AGBL3: variants seen among roughly 807,000 people sequenced by gnomAD.
AGBL3 encodes the protein AGBL carboxypeptidase 3.
A neutral mutation model predicts 94.5 loss-of-function variants in AGBL3; 68 were observed. The ratio of observed to expected loss-of-function variants is 0.72; its 90% CI spans 0.59 to 0.88. The LOEUF (loss-of-function observed/expected upper bound fraction) is 0.88, where lower values mean the gene tolerates loss of function less well. Among genes scored for constraint, AGBL3 ranks in the 40% least tolerant of loss-of-function variants. The probability of loss-of-function intolerance (pLI) is 0.00; values close to 1 mark genes in which losing one functional copy is unlikely to be tolerated. For missense variants in AGBL3, 934 were observed against 1,103.8 expected (o/e 0.85, Z 2.18); for synonymous variants, 354 against 370.7 (o/e 0.95, Z 0.52).
rs1416978163 is a variant in AGBL3, at chr7:135,134,965, C to T, written c.2467C>T (p.Pro823Ser). Residue 823 changes from proline to serine, a missense_variant, in exon 17 of 17, where the codon CCC (proline) becomes TCC (serine). Pro to Ser is a moderately conservative substitution (Grantham distance 74, BLOSUM62 -1). Around this residue, in one of 3 missense-constraint regions of AGBL3, gnomAD observed 441 missense variants for 518.2 expected, o/e 0.85. Coordinates refer to ENST00000436302, the MANE Select transcript of AGBL3 (RefSeq NM_178563.4). ...ANSSEWVQSK[P>S]HRSLESLSPL... is the part of the protein sequence containing the mutation. Reference sequence around the variant, plus strand: ...CTCTTCAGAATGGGTCCAGTCTAAGCCCCACAGGTCATTGGAAAGTTTATC... The same window carrying T: ...CTCTTCAGAATGGGTCCAGTCTAAGTCCCACAGGTCATTGGAAAGTTTATC... 2.1e-5 allele frequency: 33 copies of T among 1,551,044 alleles called. No homozygotes were observed. Among genetic ancestry groups the T allele is most frequent in the Non-Finnish European group, 2.8e-5 (32 of 1,146,652 alleles).
chr7:135,074,677 T>C (rs1009551446), intron 12 of AGBL3, among the ~76,000 whole-genome samples: 1 of 152,112 alleles, frequency 6.6e-6, no homozygotes, highest in African/African-American at 2.4e-5. Flanking sequence ...ACCATGCAAG[T>C]CTTTATTTCA....
At chr7:135,129,633 C>T in intron 16 of AGBL3, 1 of 779,210 alleles carries the variant, frequency 1.3e-6, no homozygotes, top group Non-Finnish European at 2.4e-6. Context: ...ATGTCTTAAA[C>T]AGCTGTTTTA....
At position 134,987,923 on chromosome 7, in the gene AGBL3, C is replaced by T. The variant is rs1438955633; in HGVS notation, c.-11C>T. On this transcript the variant is annotated 5_prime_UTR_variant, in exon 2 of 17. Transcript: ENST00000436302. ...ATATTACAAGAAATCTCAAGTCAAA[C>T]ACTGGAAAAGATGTCAGAAGATTCA... 10 of 1,544,380 alleles carry T rather than the reference C, an allele frequency of 6.5e-6. No homozygotes were observed. The highest frequency in any genetic ancestry group is 8.7e-6 in the Non-Finnish European group (10 of 1,143,490).
intron 5 of AGBL3, among the ~76,000 whole-genome samples, chr7:135,022,910 C>CT (rs1326895130): frequency 6.6e-6 from 1 of 151,984 alleles, no homozygotes; most frequent in East Asian, 1.9e-4. Context: ...TCTGTTATTT[C>CT]TTTTTAATTC....
At chr7:135,045,284 C>A (rs944839857) in intron 9 of AGBL3, among the ~76,000 whole-genome samples, 190 bp from the exon 10 acceptor site, 8 of 151,988 alleles carry the variant, frequency 5.3e-5, no homozygotes, top group Non-Finnish European at 1.2e-4. Context: ...GTTAAATCAG[C>A]TTTGGTCCAG....
chr7:135,004,106 A>G (rs1290938587), intron 4 of AGBL3, among the ~76,000 whole-genome samples: 3 of 151,704 alleles, frequency 2.0e-5, no homozygotes, highest in African/African-American at 7.2e-5. Flanking sequence ...AGGAGTTACC[A>G]ATTTGTTCTT....
intron 15 of AGBL3, among the ~76,000 whole-genome samples, chr7:135,108,347 TCTTTC>T (rs1825080475): frequency 6.6e-6 from 1 of 152,086 alleles, no homozygotes; most frequent in Non-Finnish European, 1.5e-5. Context: ...CTGGTATTGG[TCTTTC>T]CTTTCCATAT....
At chr7:135,099,144 ATGTTAGAC>A (rs1224168912) in intron 15 of AGBL3, among the ~76,000 whole-genome samples, 2 of 151,462 alleles carry the variant, frequency 1.3e-5, no homozygotes, top group African/African-American at 4.9e-5. Context: ...TAATTATTAT[ATGTTAGAC>A]TATTTTTTGG....
At chr7:135,072,158 A>G (rs950247551) in intron 12 of AGBL3, among the ~76,000 whole-genome samples, 5 of 152,240 alleles carry the variant, frequency 3.3e-5, no homozygotes, top group African/African-American at 7.2e-5. Context: ...AGACACATGA[A>G]AAAAATGCTC....
chr7:135,025,099 G>A (rs1814942235), intron 5 of AGBL3, among the ~76,000 whole-genome samples: 1 of 151,500 alleles, frequency 6.6e-6, no homozygotes, highest in South Asian at 2.1e-4. Context: ...AGGTTAACAT[G>A]AAAATTCAAG....
chr7:135,042,416 C>T (rs1195827886), intron 8 of AGBL3, among the ~76,000 whole-genome samples: 1 of 152,142 alleles, frequency 6.6e-6, no homozygotes, highest in African/African-American at 2.4e-5. Context: ...AGAAGCCAGT[C>T]TCAAAAGATT....
intron 4 of AGBL3, chr7:135,010,536 T>G (rs1286682863): frequency 6.5e-6 from 1 of 153,404 alleles, no homozygotes; most frequent in Non-Finnish European, 1.5e-5. Context: ...AGTCTAAGGA[T>G]TAAATATTAG....
chr7:135,052,368 CTCAG>C lies in AGBL3; in HGVS notation c.1841+6460_1841+6463del, dbSNP rs1290612837. ...CACAGGGTGGATATATCATAATTTA[CTCAG>C]TCTGTCCTCTACTGATGGAACATTT... is the stretch of plus-strand genomic sequence containing the variant. On this transcript the variant is annotated intron_variant, in intron 11 of 16. Transcript: ENST00000436302. Among the ~76,000 whole-genome samples the C allele has an allele frequency of 7.0e-4, 106 of 152,264 alleles. 1 individual carries two copies. Among genetic ancestry groups the C allele is most frequent in the Non-Finnish European group, 1.5e-4 (10 of 68,024 alleles).
At chr7:135,032,806 T>A in intron 5 of AGBL3, 38 bp from the exon 6 acceptor site, 1 of 1,518,294 alleles carries the variant, frequency 6.6e-7, no homozygotes, top group Non-Finnish European at 8.8e-7. Flanking sequence ...TTACTTTAGG[T>A]ATACCTTGAC....
intron 5 of AGBL3, among the ~76,000 whole-genome samples, chr7:135,019,564 T>A (rs1198563500): frequency 1.3e-5 from 2 of 152,168 alleles, no homozygotes; most frequent in Non-Finnish European, 2.9e-5. Flanking sequence ...TTAACAAAAT[T>A]GATTAATCAC....
intron 16 of AGBL3, chr7:135,129,530 A>G (rs548758968): frequency 2.6e-6 from 2 of 772,578 alleles, no homozygotes; most frequent in East Asian, 4.9e-5. Context: ...ACAAGATGAC[A>G]TGTACTGGCT....
intron 5 of AGBL3, among the ~76,000 whole-genome samples, chr7:135,026,257 A>ATTTT (rs1271188512): frequency 2.8e-5 from 4 of 140,902 alleles, no homozygotes; most frequent in African/African-American, 1.1e-4. Flanking sequence ...ATTTTATTTT[A>ATTTT]TTTTATTTTA....
chr7:135,096,742 T>TGAATGAAAGAAAGAAA (rs1822900800), intron 15 of AGBL3, among the ~76,000 whole-genome samples: 1 of 101,068 alleles, frequency 9.9e-6, no homozygotes. Context: ...AGAGAAAGAA[T>TGAATGAAAGAAAGAAA]GAAAGAAAGA....
At chr7:135,061,088 A>G (rs1392937626) in intron 12 of AGBL3, among the ~76,000 whole-genome samples, 1 of 151,240 alleles carries the variant, frequency 6.6e-6, no homozygotes, top group African/African-American at 2.4e-5. Flanking sequence ...CAGCCACTCT[A>G]ACAGGCATGA....
Sources: allele counts gnomAD v4.1 joint callset (sites outside exome capture counted in the v4.1 genomes callset), GRCh38; gene constraint gnomAD v4.1.1; regional missense constraint gnomAD v4.1.1; transcripts MANE v1.5; gene names NCBI Gene and HGNC (gene_info 2026-07-23, HGNC 2026-07-21).